The following PRKN variants were observed in gnomAD, a reference collection of about 807,000 sequenced individuals.
PRKN encodes parkin RBR E3 ubiquitin protein ligase, also known as E3 ubiquitin-protein ligase parkin.
PRKN carries 56 observed loss-of-function variants against 59.5 expected under a neutral mutation model. The observed-to-expected ratio is 0.94, with a 90% CI of 0.76 to 1.18. The LOEUF is 1.18. Among genes scored for constraint, PRKN ranks in the 50% most tolerant of loss-of-function variants. The pLI is 0.00. For missense variants in PRKN, 657 were observed against 596.4 expected (o/e 1.10, Z -1.06); for synonymous variants, 250 against 222.1 (o/e 1.13, Z -1.12).
chr6:162,680,017 T>C (rs1301602031), intron 1 of PRKN, among the ~76,000 whole-genome samples: 1 of 152,178 alleles, frequency 6.6e-6, no homozygotes, highest in Non-Finnish European at 1.5e-5. Flanking sequence ...CACTGCCATC[T>C]TGTTTTTTCT....
intron 6 of PRKN, among the ~76,000 whole-genome samples, chr6:161,894,936 A>T (rs1432163048): frequency 6.6e-6 from 1 of 152,174 alleles, no homozygotes; most frequent in Non-Finnish European, 1.5e-5. Context: ...TAAGATGGAA[A>T]ATTTGAAGCA....
intron 3 of PRKN, among the ~76,000 whole-genome samples, chr6:162,239,766 C>A (rs969697822): frequency 3.2e-4 from 48 of 152,150 alleles, no homozygotes; most frequent in Non-Finnish European, 5.9e-4. Context: ...ACCAAGACCA[C>A]CAGCTGAAAC....
intron 6 of PRKN, among the ~76,000 whole-genome samples, chr6:161,850,675 T>A (rs1221221718): frequency 2.6e-5 from 4 of 152,150 alleles, no homozygotes; most frequent in Admixed American, 2.6e-4. Flanking sequence ...AGTAATAATT[T>A]CCCTTGCAAT....
chr6:162,000,992 T>C (rs1167372621), intron 5 of PRKN, among the ~76,000 whole-genome samples: 2 of 152,050 alleles, frequency 1.3e-5, no homozygotes, highest in Non-Finnish European at 2.9e-5. Flanking sequence ...TTGTGTTCCA[T>C]TGATCGATTT....
At chr6:161,968,787 A>G (rs1780685205) in intron 6 of PRKN, among the ~76,000 whole-genome samples, 1 of 152,174 alleles carries the variant, frequency 6.6e-6, no homozygotes, top group Non-Finnish European at 1.5e-5. Context: ...TTTTAAAATA[A>G]AGACCAAAGC....
intron 2 of PRKN, among the ~76,000 whole-genome samples, chr6:162,347,500 G>C (rs1359507180): frequency 6.6e-6 from 1 of 151,888 alleles, no homozygotes; most frequent in Non-Finnish European, 1.5e-5. Context: ...AGAATACTGG[G>C]TATAAGAAAT....
At chr6:161,568,189 C>G (rs1780725223) in intron 8 of PRKN, among the ~76,000 whole-genome samples, 1 of 152,172 alleles carries the variant, frequency 6.6e-6, no homozygotes, top group African/African-American at 2.4e-5. Flanking sequence ...CACATACATA[C>G]ACCAAACAAA....
intron 7 of PRKN, among the ~76,000 whole-genome samples, chr6:161,591,776 T>C (rs1781734414): frequency 2.0e-5 from 3 of 152,246 alleles, no homozygotes; most frequent in Admixed American, 6.5e-5. Context: ...GTTAGTTTTC[T>C]CTAACTATAA....
intron 6 of PRKN, among the ~76,000 whole-genome samples, chr6:161,885,767 T>C (rs756510046): frequency 3.7e-4 from 56 of 152,054 alleles, no homozygotes; most frequent in Admixed American, 3.1e-3. Context: ...TAACTGTTCA[T>C]ATAATTTTTA....
At chr6:161,398,183 C>T (rs1359385804) in intron 9 of PRKN, among the ~76,000 whole-genome samples, 1 of 152,024 alleles carries the variant, frequency 6.6e-6, no homozygotes, top group East Asian at 1.9e-4. Context: ...CTTGGTCTTC[C>T]TAACAGAGCA....
intron 2 of PRKN, among the ~76,000 whole-genome samples, chr6:162,323,397 T>C (rs1428690821): frequency 1.3e-5 from 2 of 150,702 alleles, no homozygotes; most frequent in African/African-American, 2.4e-5. Flanking sequence ...TATAAAAGAC[T>C]TCATTTATTT....
In PRKN at chr6:161,385,748, C is replaced by T. The variant is rs983817139; in HGVS notation, c.1167+1046G>A. On this transcript the variant is annotated intron_variant, in intron 10 of 11. Coordinates refer to ENST00000366898, the MANE Select transcript of PRKN (RefSeq NM_004562.3). This position sits in a 1 kb window ranked among gnomAD's most constrained non-coding sequence, Gnocchi z 4.9. ...GGTCTCTGGGCCATTATTGCTTTTG[C>T]TGTCAGTACCTGGTAAGCTCGCGTT... 3.3e-5 allele frequency among the ~76,000 whole-genome samples: 5 copies of T among 152,222 alleles called. No homozygotes were observed. Among genetic ancestry groups the T allele is most frequent in the African/African-American group, 1.2e-4 (5 of 41,464 alleles).
intron 1 of PRKN, among the ~76,000 whole-genome samples, chr6:162,631,449 T>C (rs1306656193): frequency 2.6e-5 from 4 of 152,190 alleles, no homozygotes; most frequent in African/African-American, 9.6e-5. Flanking sequence ...TTAGTGATGC[T>C]GAGCATTTTT....
intron 3 of PRKN, among the ~76,000 whole-genome samples, chr6:162,212,039 C>G (rs751785382): frequency 6.6e-6 from 1 of 152,126 alleles, no homozygotes; most frequent in Admixed American, 6.5e-5. Flanking sequence ...AAAGTCTGCA[C>G]TGGAATAACT....
chr6:161,704,407 AC>A lies in PRKN; in HGVS notation c.871+81364del, dbSNP rs796614635. ...TCGTGCTGCCATCTTTCGTCAGTTTACCTGTGTTCTCTACTTAAACCTCACC... is the reference window on the plus strand; with the variant it reads ...TCGTGCTGCCATCTTTCGTCAGTTTACTGTGTTCTCTACTTAAACCTCACC... On this transcript the variant is annotated intron_variant, in intron 7 of 11. Coordinates refer to ENST00000366898, the MANE Select transcript of PRKN (RefSeq NM_004562.3). Among the ~76,000 whole-genome samples, 6 of 152,074 alleles carry A rather than the reference AC, an allele frequency of 3.9e-5. 1 individual carries two copies. Among genetic ancestry groups the A allele is most frequent in the African/African-American group, 1.4e-4 (6 of 41,482 alleles).
intron 2 of PRKN, among the ~76,000 whole-genome samples, chr6:162,265,576 A>T (rs1402637604): frequency 6.6e-6 from 1 of 152,192 alleles, no homozygotes; most frequent in Non-Finnish European, 1.5e-5. Context: ...CTGTAATCCC[A>T]GCTACTCAAG....
chr6:162,476,895 C>T (rs549424168), intron 1 of PRKN, among the ~76,000 whole-genome samples: 2 of 152,226 alleles, frequency 1.3e-5, no homozygotes, highest in African/African-American at 2.4e-5. Context: ...CCAGAATATA[C>T]AGCAATAAAT....
intron 7 of PRKN, among the ~76,000 whole-genome samples, chr6:161,634,508 C>T (rs1013387510): frequency 6.6e-6 from 1 of 152,214 alleles, no homozygotes; most frequent in African/African-American, 2.4e-5. Flanking sequence ...AGCTAGTAAG[C>T]ACTAGGGTGT....
intron 3 of PRKN, among the ~76,000 whole-genome samples, chr6:162,231,910 C>T (rs1318130467): frequency 2.0e-5 from 3 of 152,098 alleles, no homozygotes; most frequent in Non-Finnish European, 4.4e-5. Context: ...TTCTCTGGCC[C>T]CACCTCACTA....
Sources: allele counts gnomAD v4.1 joint callset (sites outside exome capture counted in the v4.1 genomes callset), GRCh38; gene constraint gnomAD v4.1.1; non-coding constraint Gnocchi (gnomAD v3.1); transcripts MANE v1.5; gene names NCBI Gene and HGNC (gene_info 2026-07-23, HGNC 2026-07-21).